Variants in LOXL2 observed in about 807,000 individuals in gnomAD.
LOXL2 encodes lysyl oxidase homolog 2.
Under a neutral mutation model 93.0 loss-of-function variants are expected in LOXL2, and 70 were observed. That is an observed-to-expected ratio of 0.75 (90% CI 0.62 to 0.92). The LOEUF (loss-of-function observed/expected upper bound fraction) is 0.92, where lower values mean the gene tolerates loss of function less well. LOXL2 is among the 40% of genes least tolerant of loss of function. The probability of loss-of-function intolerance (pLI) is 0.00; values close to 1 mark genes in which losing one functional copy is unlikely to be tolerated. For synonymous variants in LOXL2, 438 were observed against 413.2 expected, an observed-to-expected ratio of 1.06 and a Z score of -0.73; for missense variants, 973 against 1,054.9, an observed-to-expected ratio of 0.92 and a Z score of 1.08.
At position 23,309,759 on chromosome 8, in the gene LOXL2, G is replaced by A; in HGVS notation, c.1789C>T (p.Leu597=). The change falls in exon 10 of 14, where the codon CTG becomes TTG. Residue 597 remains leucine, a synonymous_variant. Transcript: ENST00000389131. ...TTGTGGATCTGGGAGGAGAAGCGCA[G>A]GAGCCGGCGGTAGCCCGTGGTGGGG... ...TDPTTGYRRL[L]RFSSQIHNNG... The A allele has an allele frequency of 2.5e-6, 4 of 1,603,698 alleles. No individual in the cohort carries two copies. Among genetic ancestry groups the A allele is most frequent in the South Asian group, 1.1e-5 (1 of 89,034 alleles).
chr8:23,383,137 C>A lies in LOXL2; in HGVS notation c.-83-14703G>T, dbSNP rs17768946. Among the ~76,000 whole-genome samples the A allele has an allele frequency of 6.6e-5, 10 of 152,182 alleles. 1 individual carries two copies. In the South Asian group the frequency reaches 2.1e-3, roughly 32 times the overall value. ...GACCTGTGGCCTTCCCGTCTTCCAT[C>A]GTGTGGGCCCTCTTGCCTCTCCACA... On this transcript the variant is annotated intron_variant, in intron 1 of 13. Transcript: ENST00000389131.
In LOXL2 at chr8:23,303,465, G is replaced by C. The variant is rs1803174675; in HGVS notation, c.1881-68C>G. Reference sequence around the variant, plus strand: ...AACTGCTGCTTGCAAGCAGAGGCCTGGCTGGCGATTTGCCTCTGGGAATAC... The same window carrying C: ...AACTGCTGCTTGCAAGCAGAGGCCTCGCTGGCGATTTGCCTCTGGGAATAC... On this transcript the variant is annotated intron_variant, in intron 10 of 13. Transcript: ENST00000389131. 3.6e-5 allele frequency: 34 copies of C among 933,560 alleles called. No individual in the cohort carries two copies. The South Asian group carries it at 4.3e-4, about 12-fold the overall frequency. 57.8% of individuals were successfully genotyped at this position (933,560 alleles called of 1,614,324 possible).
At chr8:23,307,822 C>T (rs893667464) in intron 10 of LOXL2, among the ~76,000 whole-genome samples, 5 of 152,170 alleles carry the variant, frequency 3.3e-5, no homozygotes, top group Middle Eastern at 3.4e-3. Flanking sequence ...CTAATTAGGA[C>T]GTTCAGAATA....
chr8:23,384,089 C>G (rs1804721563), intron 1 of LOXL2, among the ~76,000 whole-genome samples: 1 of 152,200 alleles, frequency 6.6e-6, no homozygotes, highest in African/African-American at 2.4e-5. Context: ...CTGTTTGCCT[C>G]TGAAATTCAC....
At chr8:23,383,645 C>T (rs1417246888) in intron 1 of LOXL2, among the ~76,000 whole-genome samples, 1 of 119,782 alleles carries the variant, frequency 8.3e-6, no homozygotes, top group South Asian at 2.6e-4. Context: ...GGCACTTTTA[C>T]GTTTTTTTTT....
intron 1 of LOXL2, among the ~76,000 whole-genome samples, chr8:23,390,967 G>T (rs964257574): frequency 1.3e-5 from 2 of 152,066 alleles, no homozygotes; most frequent in Non-Finnish European, 2.9e-5. Context: ...AAGGTGAAAG[G>T]CACGTCTTAC....
chr8:23,403,449 G>A (rs1230186057), intron 1 of LOXL2, among the ~76,000 whole-genome samples: 1 of 151,968 alleles, frequency 6.6e-6, no homozygotes, highest in African/African-American at 2.4e-5. Flanking sequence ...GCTCCCGGGC[G>A]CAGCCCCCGG....
intron 3 of LOXL2, among the ~76,000 whole-genome samples, chr8:23,346,963 A>G (rs564401147): frequency 6.6e-6 from 1 of 152,236 alleles, no homozygotes; most frequent in East Asian, 1.9e-4. Flanking sequence ...GCCTCCCACA[A>G]CCACCAGCAA....
intron 1 of LOXL2, among the ~76,000 whole-genome samples, chr8:23,402,079 CAT>C (rs986368541): frequency 1.3e-4 from 19 of 145,868 alleles, no homozygotes; most frequent in African/African-American, 4.1e-4. Context: ...CGCACACACA[CAT>C]ACACATGCAA....
chr8:23,330,108 G>A (rs1014639791), intron 5 of LOXL2, among the ~76,000 whole-genome samples: 8 of 152,156 alleles, frequency 5.3e-5, no homozygotes, highest in Non-Finnish European at 1.0e-4. Flanking sequence ...GGTGGATCAC[G>A]AGGTCAGGAG....
chr8:23,338,058 A>G (rs867399440), intron 4 of LOXL2, among the ~76,000 whole-genome samples: 4 of 152,248 alleles, frequency 2.6e-5, no homozygotes, highest in South Asian at 2.1e-4. Context: ...GCAGAAGGTG[A>G]AGGAGGAACA....
chr8:23,326,064 G>GTGTGGTCAC (rs1421635109), intron 6 of LOXL2, among the ~76,000 whole-genome samples: 1 of 152,224 alleles, frequency 6.6e-6, no homozygotes, highest in Non-Finnish European at 1.5e-5. Flanking sequence ...GTGGCTGTGG[G>GTGTGGTCAC]TGTGGTCACT....
At chr8:23,308,486 C>CG (rs760968394) in intron 10 of LOXL2, among the ~76,000 whole-genome samples, 25 of 152,184 alleles carry the variant, frequency 1.6e-4, no homozygotes, top group Non-Finnish European at 2.9e-4. Flanking sequence ...TGTAGCCCCT[C>CG]GGGGGCTTCC....
At chr8:23,358,456 C>T (rs1804233088) in intron 3 of LOXL2, among the ~76,000 whole-genome samples, 1 of 152,204 alleles carries the variant, frequency 6.6e-6, no homozygotes, top group African/African-American at 2.4e-5. Flanking sequence ...TTTCAAGTCA[C>T]CTTTCTTCTG....
chr8:23,394,984 C>T (rs567158948), intron 1 of LOXL2, among the ~76,000 whole-genome samples: 30 of 152,190 alleles, frequency 2.0e-4, no homozygotes, highest in African/African-American at 6.3e-4. Flanking sequence ...AGGGGAGCAC[C>T]GTGGCTCCCG....
At chr8:23,403,191 C>T (rs752727159) in intron 1 of LOXL2, among the ~76,000 whole-genome samples, 5 of 152,196 alleles carry the variant, frequency 3.3e-5, no homozygotes, top group Non-Finnish European at 7.3e-5. Context: ...ACCACCGGAC[C>T]AACGGCTCAA....
At chr8:23,389,871 C>A (rs1398967387) in intron 1 of LOXL2, among the ~76,000 whole-genome samples, 1 of 152,144 alleles carries the variant, frequency 6.6e-6, no homozygotes, top group Non-Finnish European at 1.5e-5. Context: ...ACATCTTGTG[C>A]CCTGGAGCTC....
At chr8:23,346,116 T>TTAAAA (rs1241283477) in intron 3 of LOXL2, among the ~76,000 whole-genome samples, 103 of 23,790 alleles carry the variant, frequency 4.3e-3, no homozygotes, top group Middle Eastern at 0.022. Context: ...TAAAATAAAA[T>TTAAAA]TAAAATAAAA....
At chr8:23,309,469 G>C (rs1481638994) in intron 10 of LOXL2, among the ~76,000 whole-genome samples, 199 bp downstream of exon 10, 11 of 152,240 alleles carry the variant, frequency 7.2e-5, no homozygotes, top group Admixed American at 7.2e-4. Flanking sequence ...TGGCAGGCCA[G>C]GGGAACTTGG....
Sources: allele counts gnomAD v4.1 joint callset (sites outside exome capture counted in the v4.1 genomes callset), GRCh38; gene constraint gnomAD v4.1.1; transcripts MANE v1.5; gene names NCBI Gene and HGNC (gene_info 2026-07-23, HGNC 2026-07-21).